HLCS: variants seen among roughly 807,000 people sequenced by gnomAD.
HLCS encodes the protein holocarboxylase synthetase.
A neutral mutation model predicts 75.0 loss-of-function variants in HLCS; 53 were observed. The ratio of observed to expected loss-of-function variants is 0.71; its 90% CI spans 0.57 to 0.89. HLCS has a LOEUF of 0.89. HLCS is among the 40% of genes least tolerant of loss of function. HLCS has a pLI of 0.00. For missense variants in HLCS, 966 were observed against 1,074.0 expected (o/e 0.90, Z 1.41); for synonymous variants, 431 against 428.6 (o/e 1.01, Z -0.07).
intron 5 of HLCS, among the ~76,000 whole-genome samples, chr21:36,912,195 C>CA (rs1358925153): frequency 6.6e-6 from 1 of 151,656 alleles, no homozygotes; most frequent in African/African-American, 2.4e-5. Flanking sequence ...ATCATGGCAG[C>CA]ATTATTCACA....
At chr21:36,904,695 G>T (rs187900307) in intron 5 of HLCS, among the ~76,000 whole-genome samples, 19 of 152,262 alleles carry the variant, frequency 1.2e-4, no homozygotes, top group Non-Finnish European at 1.0e-4. Flanking sequence ...AATTCTGGTT[G>T]TAAGAAATAC....
At chr21:36,976,376 G>A (rs982994974) in intron 1 of HLCS, among the ~76,000 whole-genome samples, 1 of 151,450 alleles carries the variant, frequency 6.6e-6, no homozygotes, top group Non-Finnish European at 1.5e-5. Context: ...AGTCATTACT[G>A]TTTTAAGGAA....
intron 6 of HLCS, among the ~76,000 whole-genome samples, chr21:36,835,131 C>T (rs986234306): frequency 2.6e-5 from 4 of 152,196 alleles, no homozygotes; most frequent in Admixed American, 2.6e-4. Context: ...GCAGAGCAGG[C>T]AACTGCTTCT....
chr21:36,785,617 T>C (rs1317502132), intron 6 of HLCS, among the ~76,000 whole-genome samples: 1 of 152,244 alleles, frequency 6.6e-6, no homozygotes, highest in East Asian at 1.9e-4. Context: ...TACTACAATA[T>C]CATCCACAGA....
chr21:36,848,859 A>G (rs2062887472), intron 6 of HLCS, among the ~76,000 whole-genome samples: 1 of 152,194 alleles, frequency 6.6e-6, no homozygotes, highest in Non-Finnish European at 1.5e-5. Context: ...GAGTTTAAGG[A>G]AAGAAAAAAG....
chr21:36,894,878 G>A (rs2064948468), intron 6 of HLCS, among the ~76,000 whole-genome samples: 1 of 150,698 alleles, frequency 6.6e-6, no homozygotes, highest in Non-Finnish European at 1.5e-5. Flanking sequence ...TATCAAAAGT[G>A]AACTTCCTGA....
At chr21:36,853,334 A>G (rs1290117235) in intron 6 of HLCS, among the ~76,000 whole-genome samples, 3 of 152,114 alleles carry the variant, frequency 2.0e-5, no homozygotes, top group Non-Finnish European at 4.4e-5. Flanking sequence ...AAGGGAGAGC[A>G]CTCACCCTCC....
intron 5 of HLCS, among the ~76,000 whole-genome samples, chr21:36,914,547 T>G (rs1320099688): frequency 6.6e-6 from 1 of 152,206 alleles, no homozygotes; most frequent in Non-Finnish European, 1.5e-5. Flanking sequence ...TTTTGTTACC[T>G]GCCAACTAGC....
At chr21:36,807,457 A>G (rs1007383382) in intron 6 of HLCS, among the ~76,000 whole-genome samples, 4 of 152,146 alleles carry the variant, frequency 2.6e-5, no homozygotes, top group African/African-American at 9.7e-5. Context: ...GGCCAGATAG[A>G]ATTCATGCTT....
chr21:36,756,937 C>T lies in HLCS; in HGVS notation c.2237-182G>A, dbSNP rs915858770. ...ATTTCTGTCCATCTTCCTTTTTGTC[C>T]TTCTTTTATTATTCTTGTTCAAGCT... On this transcript the variant is annotated intron_variant, in intron 9 of 10. Coordinates refer to ENST00000674895, the MANE Select transcript of HLCS (RefSeq NM_001352514.2). 8.1e-6 allele frequency: 8 copies of T among 985,130 alleles called. No homozygotes were observed. In the Admixed American group the frequency reaches 3.7e-4, roughly 45 times the overall value. 61.0% of individuals were successfully genotyped at this position (985,130 alleles called of 1,614,324 possible). A position where few individuals can be genotyped will look rare whatever the true frequency, so the allele number is the denominator to read the frequency against.
chr21:36,828,009 T>C (rs1465886533), intron 6 of HLCS, among the ~76,000 whole-genome samples: 1 of 151,984 alleles, frequency 6.6e-6, no homozygotes, highest in Admixed American at 6.6e-5. Flanking sequence ...GAGATGGGGT[T>C]TCACCGTGTT....
chr21:36,761,023 G>A (rs189912414), intron 8 of HLCS, among the ~76,000 whole-genome samples: 33 of 152,378 alleles, frequency 2.2e-4, no homozygotes, highest in Admixed American at 3.9e-4. Flanking sequence ...TAAGGGAGCA[G>A]AGAGTAGCTG....
intron 5 of HLCS, among the ~76,000 whole-genome samples, chr21:36,914,207 T>C (rs2065835958): frequency 6.6e-6 from 1 of 152,188 alleles, no homozygotes; most frequent in African/African-American, 2.4e-5. Flanking sequence ...TCTGGCTGGG[T>C]GGGCTTGCTG....
At chr21:36,945,734 T>C (rs1010499981) in intron 2 of HLCS, among the ~76,000 whole-genome samples, 1 of 152,240 alleles carries the variant, frequency 6.6e-6, no homozygotes, top group African/African-American at 2.4e-5. Context: ...AATTAGATAA[T>C]GCTAATGATT....
intron 1 of HLCS, among the ~76,000 whole-genome samples, chr21:36,984,427 G>C (rs1187121003): frequency 6.6e-6 from 1 of 152,184 alleles, no homozygotes; most frequent in Non-Finnish European, 1.5e-5. Flanking sequence ...TACCACAACA[G>C]TCGATCTGAT....
chr21:36,957,502 A>G (rs1397262033), intron 2 of HLCS, among the ~76,000 whole-genome samples: 2 of 152,226 alleles, frequency 1.3e-5, no homozygotes, highest in Non-Finnish European at 2.9e-5. Flanking sequence ...GCCTCTTTGT[A>G]GTTCAAAAAG....
intron 6 of HLCS, among the ~76,000 whole-genome samples, chr21:36,797,711 G>A (rs1854779580): frequency 6.6e-6 from 1 of 152,222 alleles, no homozygotes; most frequent in Non-Finnish European, 1.5e-5. Context: ...AATTGAGAAG[G>A]CTAATGGAGA....
At chr21:36,912,876 T>C (rs1304439629) in intron 5 of HLCS, among the ~76,000 whole-genome samples, 1 of 152,170 alleles carries the variant, frequency 6.6e-6, no homozygotes, top group Non-Finnish European at 1.5e-5. Context: ...TTGCTGTCCC[T>C]GAGTATCACT....
chr21:36,872,709 T>G (rs2063814990), intron 6 of HLCS, among the ~76,000 whole-genome samples: 1 of 152,240 alleles, frequency 6.6e-6, no homozygotes, highest in Admixed American at 6.5e-5. Flanking sequence ...TGTATAAATA[T>G]GCTACAGTTT....
Sources: allele counts gnomAD v4.1 joint callset (sites outside exome capture counted in the v4.1 genomes callset), GRCh38; gene constraint gnomAD v4.1.1; transcripts MANE v1.5; gene names NCBI Gene and HGNC (gene_info 2026-07-23, HGNC 2026-07-21).